HECW2: variants seen among roughly 807,000 people sequenced by gnomAD.
The protein encoded by HECW2 is E3 ubiquitin-protein ligase HECW2.
Under a neutral mutation model 175.2 loss-of-function variants are expected in HECW2, and 61 were observed. The observed-to-expected ratio is 0.35, with a 90% CI of 0.28 to 0.43. The LOEUF (loss-of-function observed/expected upper bound fraction) is 0.43, where lower values mean the gene tolerates loss of function less well. Among genes scored for constraint, HECW2 ranks in the 20% least tolerant of loss-of-function variants. The pLI is 1.00. For synonymous variants in HECW2, 671 were observed against 731.0 expected (o/e 0.92, Z 1.32); for missense variants, 1,524 against 2,000.5 (o/e 0.76, Z 4.54).
intron 14 of HECW2, 174 bp downstream of exon 14, chr2:196,292,391 C>G (rs1221780759): frequency 1.4e-5 from 8 of 572,326 alleles, no homozygotes; most frequent in Non-Finnish European, 1.9e-5. Flanking sequence ...CAGAATGGCA[C>G]AGTCACTGTT....
At chr2:196,317,478 T>A in intron 9 of HECW2, 109 bp from the exon 10 acceptor site, 1 of 779,814 alleles carries the variant, frequency 1.3e-6, no homozygotes, top group South Asian at 1.6e-5. Context: ...CTTTTCTCTG[T>A]TTAGTCTCAT....
intron 2 of HECW2, among the ~76,000 whole-genome samples, chr2:196,369,261 T>C (rs1693839671): frequency 6.6e-6 from 1 of 152,154 alleles, no homozygotes; most frequent in Admixed American, 6.5e-5. Context: ...CTTGGTAGTC[T>C]TGGATAGGAT....
intron 2 of HECW2, among the ~76,000 whole-genome samples, chr2:196,363,987 A>T (rs544855211): frequency 6.6e-6 from 1 of 152,338 alleles, no homozygotes; most frequent in Admixed American, 6.5e-5. Context: ...ATAGAGTATC[A>T]TCTTGAGCTC....
chr2:196,310,030 T>C (rs1159634231), intron 10 of HECW2, among the ~76,000 whole-genome samples: 1 of 152,210 alleles, frequency 6.6e-6, no homozygotes, highest in East Asian at 1.9e-4. Flanking sequence ...TCTATATGTA[T>C]AGCAAAATGG....
At chr2:196,227,908 A>G (rs1008051559) in intron 22 of HECW2, among the ~76,000 whole-genome samples, 194 bp downstream of exon 22, 23 of 152,214 alleles carry the variant, frequency 1.5e-4, no homozygotes, top group African/African-American at 5.5e-4. Flanking sequence ...AGCTATCAAC[A>G]GATCTAGTCC....
At chr2:196,552,227 T>G (rs984342290) in intron 1 of HECW2, among the ~76,000 whole-genome samples, 1 of 152,210 alleles carries the variant, frequency 6.6e-6, no homozygotes, top group Non-Finnish European at 1.5e-5. Flanking sequence ...TAAATCAAAC[T>G]TAAAGCTTTA....
Position 196,279,845 on chromosome 2 carries a change from CATA to C in HECW2, c.3001-1186_3001-1184del, listed in dbSNP as rs1690122231. The stretch of plus-strand genomic sequence containing the variant: ...TCCTTCATTCCTGACATTTCTCCCC[CATA>C]ATGTGTTAGAAGAATGGAAGCCATG... On this transcript the variant is annotated intron_variant, in intron 14 of 28. Coordinates refer to ENST00000644978, the MANE Select transcript of HECW2 (RefSeq NM_001348768.2). Among the ~76,000 whole-genome samples, 3 of 152,186 alleles carry C rather than the reference CATA, an allele frequency of 2.0e-5. No individual in the cohort carries two copies. The South Asian group carries it at 6.2e-4, about 31-fold the overall frequency.
chr2:196,360,387 A>AT (rs138104419), intron 2 of HECW2, among the ~76,000 whole-genome samples: 2,478 of 152,292 alleles, frequency 0.016, 79 homozygotes, highest in East Asian at 0.13. Context: ...GAGATCATGT[A>AT]TTTTGCAGGA....
At chr2:196,332,255 A>C (rs1692391783) in intron 4 of HECW2, among the ~76,000 whole-genome samples, 1 of 152,126 alleles carries the variant, frequency 6.6e-6, no homozygotes, top group African/African-American at 2.4e-5. Flanking sequence ...ACTAAGTGGG[A>C]TTTGTAAGTA....
chr2:196,510,331 G>A (rs867890618), intron 1 of HECW2, among the ~76,000 whole-genome samples: 1 of 152,152 alleles, frequency 6.6e-6, no homozygotes, highest in African/African-American at 2.4e-5. Context: ...AATAAATTGA[G>A]GTGATGTGGG....
chr2:196,379,547 T>C (rs1447261367), intron 2 of HECW2, among the ~76,000 whole-genome samples: 2 of 151,676 alleles, frequency 1.3e-5, no homozygotes, highest in African/African-American at 4.9e-5. Context: ...TAGCCAGGCG[T>C]GGTGGCGGGC....
intron 1 of HECW2, among the ~76,000 whole-genome samples, chr2:196,448,615 G>A (rs1337467926): frequency 6.6e-6 from 1 of 152,208 alleles, no homozygotes; most frequent in Non-Finnish European, 1.5e-5. Context: ...GATTGGCTCT[G>A]CTGTGTCTCC....
chr2:196,210,801 T>TA (rs397750351), intron 28 of HECW2, among the ~76,000 whole-genome samples: 23 of 150,158 alleles, frequency 1.5e-4, no homozygotes, highest in African/African-American at 5.7e-4. Flanking sequence ...TTTTTTTTTT[T>TA]AAGTAGAGAT....
At chr2:196,454,093 T>G (rs1696429427) in intron 1 of HECW2, among the ~76,000 whole-genome samples, 1 of 152,218 alleles carries the variant, frequency 6.6e-6, no homozygotes, top group South Asian at 2.1e-4. Flanking sequence ...TCACTGCAAC[T>G]TCTGCCTCCC....
chr2:196,492,845 TAAAC>T (rs1687248951), intron 1 of HECW2, among the ~76,000 whole-genome samples: 1 of 152,182 alleles, frequency 6.6e-6, no homozygotes, highest in Admixed American at 6.5e-5. Flanking sequence ...AAAAATTTCA[TAAAC>T]AAAATTCAAC....
At chr2:196,367,184 CAT>C (rs145583126) in intron 2 of HECW2, among the ~76,000 whole-genome samples, 2,122 of 152,246 alleles carry the variant, frequency 0.014, 48 homozygotes, top group African/African-American at 0.048. Context: ...CAGAATTAAA[CAT>C]ATCGCACAGA....
intron 21 of HECW2, among the ~76,000 whole-genome samples, chr2:196,237,200 G>C (rs750944276): frequency 3.3e-5 from 5 of 151,932 alleles, no homozygotes; most frequent in Non-Finnish European, 5.9e-5. Context: ...TGTTATTCTT[G>C]TTTATTTCAA....
intron 1 of HECW2, among the ~76,000 whole-genome samples, chr2:196,578,999 A>G (rs1225601523): frequency 6.6e-6 from 1 of 152,210 alleles, no homozygotes; most frequent in African/African-American, 2.4e-5. Flanking sequence ...TGACAATTGC[A>G]TAAAGCAATT....
At chr2:196,331,625 C>T (rs1006070111) in intron 4 of HECW2, among the ~76,000 whole-genome samples, 7 of 152,186 alleles carry the variant, frequency 4.6e-5, no homozygotes, top group Admixed American at 2.0e-4. Flanking sequence ...TTATGAGAAA[C>T]GAAAGAAAAT....
Sources: allele counts gnomAD v4.1 joint callset (sites outside exome capture counted in the v4.1 genomes callset), GRCh38; gene constraint gnomAD v4.1.1; transcripts MANE v1.5; gene names NCBI Gene and HGNC (gene_info 2026-07-23, HGNC 2026-07-21).